The following AHRR variants were observed in gnomAD, a reference collection of about 807,000 sequenced individuals.
AHRR encodes ahR repressor.
In AHRR, 28 loss-of-function variants were observed where a neutral mutation model predicts 44.0. The observed-to-expected ratio is 0.64, with a 90% confidence interval of 0.47 to 0.87. The LOEUF (loss-of-function observed/expected upper bound fraction) is 0.87, where lower values mean the gene tolerates loss of function less well. Ranked by LOEUF, AHRR falls within the 40% of genes least tolerant of loss-of-function variation. AHRR has a pLI of 0.00. For synonymous variants in AHRR, 434 were observed against 407.0 expected, an observed-to-expected ratio of 1.07 and a Z score of -0.80; for missense variants, 990 against 953.9, an observed-to-expected ratio of 1.04 and a Z score of -0.50.
chr5:325,574 G>A (rs183767097), intron 1 of AHRR, among the ~76,000 whole-genome samples: 230 of 152,266 alleles, frequency 1.5e-3, no homozygotes, highest in Admixed American at 3.1e-3. Flanking sequence ...AGACGAGGCT[G>A]GGCATCCCAC....
chr5:370,581 A>G lies in AHRR; in HGVS notation c.245-6029A>G, dbSNP rs1263110416. Among the ~76,000 whole-genome samples the G allele has an allele frequency of 6.6e-6, 1 of 152,154 alleles. No individual in the cohort carries two copies. The highest frequency in any genetic ancestry group is 1.5e-5 in the Non-Finnish European group (1 of 68,014). On this transcript the variant is annotated intron_variant, in intron 3 of 10. Coordinates refer to ENST00000684583, the MANE Select transcript of AHRR (RefSeq NM_001377236.1). The surrounding 1 kb of genome is among the most constrained non-coding windows in gnomAD (Gnocchi z 4.5). ...TGCAGCCCCAGGCAGGTGGTGGTCCATAGGGGACAGCCCCCAGGAAGATGC... is the reference window on the plus strand; with the variant it reads ...TGCAGCCCCAGGCAGGTGGTGGTCCGTAGGGGACAGCCCCCAGGAAGATGC...
chr5:428,448 A>G (rs1736570382), intron 8 of AHRR, among the ~76,000 whole-genome samples: 2 of 152,178 alleles, frequency 1.3e-5, no homozygotes, highest in African/African-American at 4.8e-5. Context: ...GGTGAACGGC[A>G]CAGCTGCCCC....
rs1421154165 is a variant in AHRR at position 423,922 on chromosome 5, C to T, written c.653C>T (p.Thr218Ile). The change falls in exon 7 of 11, where the codon ACC (threonine) becomes ATC (isoleucine). Residue 218 changes from threonine to isoleucine, a missense_variant. Physicochemically the swap from Thr to Ile is moderately conservative, Grantham distance 89. Coordinates refer to ENST00000684583, the MANE Select transcript of AHRR (RefSeq NM_001377236.1). ...CCCACCGAGTACTCGGCCTTCCTGA[C>T]CCGCTGCTTCATCTGCCGTGTGCGC... ...GTPTEYSAFL[T>I]RCFICRVRCL... 1.2e-6 allele frequency: 2 copies of T among 1,603,098 alleles called. No homozygotes were observed.
At chr5:374,246 G>A (rs1743699157) in intron 3 of AHRR, among the ~76,000 whole-genome samples, 1 of 152,346 alleles carries the variant, frequency 6.6e-6, no homozygotes, top group Admixed American at 6.5e-5. Context: ...AGCAGCGTCT[G>A]TGTGGGGCCG....
rs775797513 is a variant in AHRR at position 432,856 on chromosome 5, G to A, written c.1021G>A (p.Ala341Thr). ...GVLVLREQTD[A>T]GRWAQVPARA... ...TTTGGTGCTCAGGGAACAGACTGACGCTGGCCGATGGGCACAGGTTCCCGC... is the reference window on the plus strand; with the variant it reads ...TTTGGTGCTCAGGGAACAGACTGACACTGGCCGATGGGCACAGGTTCCCGC... The change falls in exon 10 of 11, where the codon GCT becomes ACT. Residue 341 changes from alanine to threonine, a missense_variant. Physicochemically the swap from Ala to Thr is moderately conservative, Grantham distance 58 (BLOSUM62 0). Transcript: ENST00000684583. The A allele has an allele frequency of 4.0e-5, 65 of 1,613,602 alleles. No individual in the cohort carries two copies. Among genetic ancestry groups the A allele is most frequent in the Non-Finnish European group, 4.7e-5 (56 of 1,180,026 alleles).
intron 4 of AHRR, among the ~76,000 whole-genome samples, chr5:403,087 A>C (rs1200873223): frequency 6.6e-6 from 1 of 152,178 alleles, no homozygotes; most frequent in Admixed American, 6.5e-5. Flanking sequence ...TGTGGCTCGG[A>C]TCCACCTTGA....
intron 2 of AHRR, among the ~76,000 whole-genome samples, 185 bp downstream of exon 2, chr5:344,149 C>G (rs1266397638): frequency 3.3e-5 from 5 of 151,194 alleles, no homozygotes; most frequent in African/African-American, 7.3e-5. Context: ...CCCCGGTGCC[C>G]GGAGCCCCCG....
At chr5:343,695 C>A (rs1742449016) in intron 1 of AHRR, 198 bp from the exon 2 acceptor site, 1 of 541,250 alleles carries the variant, frequency 1.8e-6, no homozygotes, top group Non-Finnish European at 3.2e-6. Context: ...TGACCCGGCC[C>A]CGGTGGCTCC....
intron 4 of AHRR, among the ~76,000 whole-genome samples, chr5:378,126 G>A (rs1733820499): frequency 6.6e-6 from 1 of 152,266 alleles, no homozygotes; most frequent in Non-Finnish European, 1.5e-5. Flanking sequence ...TGCCAGGGCA[G>A]TGAAAGGGGT....
Position 376,606 on chromosome 5 carries a change from A to T in AHRR, c.245-4A>T. Reference sequence around the variant, plus strand: ...TGCCTAATGTGTCTTTTCTTCTCTGACAGTCGTGCAGGAGCAGAGCTCACG... The same window carrying T: ...TGCCTAATGTGTCTTTTCTTCTCTGTCAGTCGTGCAGGAGCAGAGCTCACG... On this transcript the variant is annotated splice_region_variant and splice_polypyrimidine_tract_variant and intron_variant, in intron 3 of 10. Transcript: ENST00000684583. 6.3e-7 allele frequency: 1 copy of T among 1,586,610 alleles called. No individual in the cohort carries two copies. Among genetic ancestry groups the T allele is most frequent in the Non-Finnish European group, 8.6e-7 (1 of 1,168,896 alleles).
chr5:392,855 G>A (rs1036077723), intron 4 of AHRR, among the ~76,000 whole-genome samples: 2 of 151,996 alleles, frequency 1.3e-5, no homozygotes, highest in African/African-American at 4.8e-5. Flanking sequence ...TTGGTTCTTG[G>A]CTGCTTGGAC....
chr5:403,882 G>C, intron 4 of AHRR: 3 of 1,588,748 alleles, frequency 1.9e-6, no homozygotes, highest in Non-Finnish European at 2.6e-6. Context: ...TCCTTGAACA[G>C]CTTGTGGCCT....
At position 337,705 on chromosome 5, in the gene AHRR, C is replaced by T. The variant is rs1012770041; in HGVS notation, c.-10-6188C>T. Among the ~76,000 whole-genome samples the T allele has an allele frequency of 9.9e-5, 15 of 152,082 alleles. No homozygotes were observed. Among genetic ancestry groups the T allele is most frequent in the Admixed American group, 7.9e-4 (12 of 15,272 alleles). ...GAGAGGAGAACTCTGGATGGTGCTC[C>T]GGGGCTGCGGGAGGCCCCTAAGGAG... is the stretch of plus-strand genomic sequence containing the variant. On this transcript the variant is annotated intron_variant, in intron 1 of 10. Coordinates refer to ENST00000684583, the MANE Select transcript of AHRR (RefSeq NM_001377236.1). The surrounding 1 kb of genome is among the most constrained non-coding windows in gnomAD (Gnocchi z 4.1).
chr5:379,594 C>T (rs372986334), intron 4 of AHRR, among the ~76,000 whole-genome samples: 7 of 152,304 alleles, frequency 4.6e-5, no homozygotes, highest in African/African-American at 1.7e-4. Flanking sequence ...ACTAACAATG[C>T]TGCATATCTT....
chr5:322,594 A>T (rs1405338511), intron 1 of AHRR: 1 of 151,936 alleles, frequency 6.6e-6, no homozygotes, highest in Non-Finnish European at 1.5e-5. Flanking sequence ...TCCAAACGCC[A>T]CCCCCACGGG....
At chr5:433,726 C>A in intron 10 of AHRR, 127 bp from the exon 11 acceptor site, 1 of 1,119,730 alleles carries the variant, frequency 8.9e-7, no homozygotes. Flanking sequence ...AGTGAGGGGT[C>A]GGTGTAGCAG....
At chr5:397,828 G>A (rs62331586) in intron 4 of AHRR, among the ~76,000 whole-genome samples, 66 of 46,028 alleles carry the variant, frequency 1.4e-3, no homozygotes, top group African/African-American at 2.4e-3. Flanking sequence ...GCTCCTGACC[G>A]TCCATGTTAG....
At position 337,672 on chromosome 5, in the gene AHRR, A is replaced by G. The variant is rs1742189535; in HGVS notation, c.-10-6221A>G. On this transcript the variant is annotated intron_variant, in intron 1 of 10. Coordinates refer to ENST00000684583, the MANE Select transcript of AHRR (RefSeq NM_001377236.1). The surrounding 1 kb of genome is among the most constrained non-coding windows in gnomAD (Gnocchi z 4.1). ...TCTAGATAGCAACAGTGATGCAGCT[A>G]TGGAGGGGAGAGGAGAACTCTGGAT... is the stretch of plus-strand genomic sequence containing the variant. 6.6e-6 allele frequency among the ~76,000 whole-genome samples: 1 copy of G among 152,200 alleles called. No homozygotes were observed.
chr5:403,854 C>G (rs1296554271), intron 4 of AHRR: 2 of 1,579,730 alleles, frequency 1.3e-6, no homozygotes, highest in Non-Finnish European at 1.7e-6. Context: ...GACAAAGAAC[C>G]CACATTAAAG....
Sources: allele counts gnomAD v4.1 joint callset (sites outside exome capture counted in the v4.1 genomes callset), GRCh38; gene constraint gnomAD v4.1.1; non-coding constraint Gnocchi (gnomAD v3.1); transcripts MANE v1.5; gene names NCBI Gene and HGNC (gene_info 2026-07-23, HGNC 2026-07-21).